Variants in ALKAL1 observed in about 807,000 individuals in gnomAD.
The protein encoded by ALKAL1 is AUG-beta.
ALKAL1 carries 23 observed loss-of-function variants against 13.5 expected under a neutral mutation model. That is an observed-to-expected ratio of 1.70 (90% CI 1.23 to 2.41). The LOEUF (loss-of-function observed/expected upper bound fraction) is 2.41, where lower values mean the gene tolerates loss of function less well. Ranked by LOEUF, ALKAL1 falls within the 30% of genes most tolerant of loss-of-function variation. The pLI is 0.00. For missense variants in ALKAL1, 181 were observed against 178.4 expected, an observed-to-expected ratio of 1.01 and a Z score of -0.08; for synonymous variants, 85 against 77.7, an observed-to-expected ratio of 1.09 and a Z score of -0.49.
In ALKAL1 at chr8:52,562,351, T is replaced by A. The variant is rs112090244; in HGVS notation, c.190+2716A>T. On this transcript the variant is annotated intron_variant, in intron 1 of 4. Coordinates refer to ENST00000358543, the MANE Select transcript of ALKAL1 (RefSeq NM_207413.4). ...TCGCAGGCAGGAATTATGAACTGAATTGTGCTCCTCAAGCACAATGGTCAA... is the reference window on the plus strand; with the variant it reads ...TCGCAGGCAGGAATTATGAACTGAAATGTGCTCCTCAAGCACAATGGTCAA... 5.4e-3 allele frequency among the ~76,000 whole-genome samples: 819 copies of A among 152,252 alleles called. 7 individuals carry two copies. The highest frequency in any genetic ancestry group is 0.018 in the African/African-American group (763 of 41,540).
chr8:52,562,515 C>T (rs1019301507), intron 1 of ALKAL1, among the ~76,000 whole-genome samples: 1 of 152,144 alleles, frequency 6.6e-6, no homozygotes, highest in Non-Finnish European at 1.5e-5. Flanking sequence ...GAACCTAACA[C>T]AGTCCCCCAC....
intron 1 of ALKAL1, among the ~76,000 whole-genome samples, chr8:52,558,347 CAAAAAAA>C (rs398007812): frequency 2.6e-4 from 5 of 18,874 alleles, no homozygotes; most frequent in South Asian, 2.7e-3. Context: ...GACTCCATCT[CAAAAAAA>C]AAAAAAAAAA....
chr8:52,556,388 C>T (rs1049980606), intron 1 of ALKAL1, among the ~76,000 whole-genome samples: 1 of 151,998 alleles, frequency 6.6e-6, no homozygotes, highest in African/African-American at 2.4e-5. Context: ...TGGCTCACGC[C>T]TGTAATCCCA....
At chr8:52,561,691 C>A (rs542036001) in intron 1 of ALKAL1, among the ~76,000 whole-genome samples, 15 of 152,310 alleles carry the variant, frequency 9.8e-5, no homozygotes, top group African/African-American at 3.1e-4. Flanking sequence ...CCCCATGCTA[C>A]TTATTAAGCA....
At chr8:52,543,759 T>G (rs958511770) in intron 1 of ALKAL1, among the ~76,000 whole-genome samples, 4 of 152,166 alleles carry the variant, frequency 2.6e-5, no homozygotes, top group Admixed American at 1.3e-4. Context: ...GTGTCAATAT[T>G]TGGGCCAGGT....
At position 52,534,586 on chromosome 8, in the gene ALKAL1, A is replaced by G. The variant is rs1377391659; in HGVS notation, c.*27T>C. 3 of 602,166 alleles carry G rather than the reference A, an allele frequency of 5.0e-6. No homozygotes were observed. In the East Asian group the frequency reaches 9.0e-5, roughly 18 times the overall value. 37.3% of individuals were successfully genotyped at this position (602,166 alleles called of 1,614,324 possible). ...CACTTTTTCTTCAAATTAGATGTAC[A>G]TTCTTAGGAAATGTCTGTGGGGGTA... On this transcript the variant is annotated 3_prime_UTR_variant, in exon 5 of 5. Transcript: ENST00000358543.
chr8:52,552,513 A>C (rs999478741), intron 1 of ALKAL1, among the ~76,000 whole-genome samples: 5 of 152,302 alleles, frequency 3.3e-5, no homozygotes, highest in Middle Eastern at 3.4e-3. Context: ...TAGTATCTAC[A>C]TGCATTATTT....
At chr8:52,542,301 A>T in intron 2 of ALKAL1, 91 bp downstream of exon 2, 1 of 854,100 alleles carries the variant, frequency 1.2e-6, no homozygotes. Context: ...CCCTACAGAC[A>T]TTTATTTTCA....
chr8:52,550,576 T>C (rs1425206851), intron 1 of ALKAL1, among the ~76,000 whole-genome samples: 1 of 152,170 alleles, frequency 6.6e-6, no homozygotes, highest in East Asian at 1.9e-4. Flanking sequence ...TGGGATGGCT[T>C]ATATCAACAG....
chr8:52,545,897 G>A (rs1234804354), intron 1 of ALKAL1, among the ~76,000 whole-genome samples: 3 of 152,170 alleles, frequency 2.0e-5, no homozygotes, highest in African/African-American at 7.2e-5. Context: ...TTCCTCCATT[G>A]TGGGAGCATC....
At chr8:52,539,789 G>A in intron 3 of ALKAL1, 42 bp downstream of exon 3, 3 of 1,352,208 alleles carry the variant, frequency 2.2e-6, no homozygotes, top group Non-Finnish European at 3.0e-6. Flanking sequence ...CGCATTTATT[G>A]TTGGATAATT....
intron 1 of ALKAL1, among the ~76,000 whole-genome samples, chr8:52,564,008 C>T (rs1290577499): frequency 6.6e-6 from 1 of 152,222 alleles, no homozygotes; most frequent in Non-Finnish European, 1.5e-5. Flanking sequence ...ATATTTATAT[C>T]ACAACTATTG....
intron 2 of ALKAL1, among the ~76,000 whole-genome samples, chr8:52,541,604 C>A (rs1388903469): frequency 6.6e-6 from 1 of 152,056 alleles, no homozygotes; most frequent in African/African-American, 2.4e-5. Flanking sequence ...CCCATCTCTA[C>A]TAAAAATACA....
At position 52,543,155 on chromosome 8, in the gene ALKAL1, A is replaced by G. The variant is rs1256109270; in HGVS notation, c.191-710T>C. Among the ~76,000 whole-genome samples the G allele has an allele frequency of 2.0e-5, 3 of 152,396 alleles. No individual in the cohort carries two copies. The East Asian group carries it at 5.8e-4, about 29-fold the overall frequency. ...TAAAACTACACCATCCAGAAAATGCAATTTATACAAACAATCGGGAGCATG... is the reference window on the plus strand; with the variant it reads ...TAAAACTACACCATCCAGAAAATGCGATTTATACAAACAATCGGGAGCATG... On this transcript the variant is annotated intron_variant, in intron 1 of 4. Coordinates refer to ENST00000358543, the MANE Select transcript of ALKAL1 (RefSeq NM_207413.4).
chr8:52,549,644 T>C (rs1468876511), intron 1 of ALKAL1, among the ~76,000 whole-genome samples: 2 of 152,052 alleles, frequency 1.3e-5, no homozygotes, highest in Non-Finnish European at 2.9e-5. Context: ...AAATATTTTT[T>C]TAAAAATACT....
At chr8:52,541,327 C>T (rs1345019439) in intron 2 of ALKAL1, among the ~76,000 whole-genome samples, 3 of 152,028 alleles carry the variant, frequency 2.0e-5, no homozygotes, top group South Asian at 2.1e-4. Flanking sequence ...ATAAAAAATT[C>T]GCTGAGTGTG....
intron 1 of ALKAL1, among the ~76,000 whole-genome samples, chr8:52,550,126 T>C (rs1395621463): frequency 1.3e-5 from 2 of 152,200 alleles, no homozygotes; most frequent in Non-Finnish European, 2.9e-5. Context: ...GTTTAAGATA[T>C]TTAAATAGAG....
rs1010350173 is a variant in ALKAL1, at chr8:52,537,796, G to A, written c.*12+635C>T. ...CATAGAAGTAGAGAGTAGAATGTTG[G>A]GTATTAGAAACTAAAGAGGGCCAGG... is the stretch of plus-strand genomic sequence containing the variant. On this transcript the variant is annotated intron_variant, in intron 4 of 4. Transcript: ENST00000358543. Among the ~76,000 whole-genome samples the A allele has an allele frequency of 3.9e-5, 6 of 151,956 alleles. No individual in the cohort carries two copies. The South Asian group carries it at 1.0e-3, about 26-fold the overall frequency.
In ALKAL1 at chr8:52,542,400, T is replaced by C; in HGVS notation, c.236A>G (p.His79Arg). Residue 79 changes from histidine (H) to arginine (R), a missense_variant, in exon 2 of 5, where the codon CAT (histidine) becomes CGT (arginine). Transcript: ENST00000358543. The part of the protein sequence containing the change: ...DSNLKDKFIK[H>R]FTGPVTFSPE... The stretch of plus-strand genomic sequence containing the variant: ...ATACATTTTGTACTTACCTGTGAAA[T>C]GCTTTATGAATTTGTCTTTTAAGTT... 1 of 1,541,652 alleles carries C rather than the reference T, an allele frequency of 6.5e-7. No individual in the cohort carries two copies. Among genetic ancestry groups the C allele is most frequent in the Non-Finnish European group, 8.9e-7 (1 of 1,120,898 alleles).
Sources: gnomAD v4.1 joint callset for allele counts (sites outside exome capture counted in the v4.1 genomes callset) on GRCh38, gnomAD v4.1.1 for gene constraint, MANE v1.5 for transcripts, NCBI Gene and HGNC (gene_info 2026-07-23, HGNC 2026-07-21) for gene names.